Variants in PPARG observed in about 807,000 individuals in gnomAD.
PPARG encodes the protein peroxisome proliferator activated receptor gamma.
PPARG carries 17 observed loss-of-function variants against 39.2 expected under a neutral mutation model. That is an observed-to-expected ratio of 0.43 (90% CI 0.30 to 0.65). The LOEUF (loss-of-function observed/expected upper bound fraction) is 0.65, where lower values mean the gene tolerates loss of function less well. Ranked by LOEUF, PPARG falls within the 30% of genes least tolerant of loss-of-function variation. PPARG has a pLI of 0.13. For missense variants in PPARG, 406 were observed against 585.9 expected (o/e 0.69, Z 3.17); for synonymous variants, 223 against 215.7 (o/e 1.03, Z -0.30).
intron 2 of PPARG, among the ~76,000 whole-genome samples, chr3:12,336,341 C>T (rs1170610281): frequency 6.6e-6 from 1 of 152,052 alleles, no homozygotes; most frequent in African/African-American, 2.4e-5. Flanking sequence ...TTTTATGCAA[C>T]ACTAACGTTA....
intron 5 of PPARG, among the ~76,000 whole-genome samples, chr3:12,396,117 A>T (rs1277379461): frequency 6.6e-6 from 1 of 151,950 alleles, no homozygotes; most frequent in Non-Finnish European, 1.5e-5. Context: ...TGTCTTCTTT[A>T]TTTTTTATTA....
intron 2 of PPARG, among the ~76,000 whole-genome samples, chr3:12,364,449 C>T (rs575121811): frequency 7.2e-5 from 11 of 152,312 alleles, no homozygotes; most frequent in Non-Finnish European, 1.2e-4. Context: ...TTTATCCACT[C>T]AGCTACTGAA....
At chr3:12,333,284 C>G (rs1343069375) in intron 2 of PPARG, among the ~76,000 whole-genome samples, 1 of 152,178 alleles carries the variant, frequency 6.6e-6, no homozygotes. Context: ...ATATTCATCA[C>G]CACAATCCTC....
At chr3:12,318,871 T>G (rs549995413) in intron 2 of PPARG, among the ~76,000 whole-genome samples, 8 of 152,112 alleles carry the variant, frequency 5.3e-5, no homozygotes, top group Admixed American at 5.2e-4. Context: ...TTTTTTTTCC[T>G]TTAAGCTTGT....
At chr3:12,311,692 T>C (rs2047249427) in intron 1 of PPARG, among the ~76,000 whole-genome samples, 1 of 152,188 alleles carries the variant, frequency 6.6e-6, no homozygotes, top group Non-Finnish European at 1.5e-5. Context: ...AGATGCTGTT[T>C]TGTCTTCATG....
chr3:12,413,155 C>A (rs1287782750), intron 6 of PPARG, among the ~76,000 whole-genome samples: 2 of 152,156 alleles, frequency 1.3e-5, no homozygotes, highest in Non-Finnish European at 2.9e-5. Flanking sequence ...AAAATGCAGA[C>A]CAAATTTGAC....
rs753581430 is a variant in PPARG, at chr3:12,416,850, G to A, written c.876G>A (p.Gln292=). ...AGTTTCGCTCCGTGGAGGCTGTGCA[G>A]GAGATCACAGAGTATGCCAAAAGCA... is the stretch of plus-strand genomic sequence containing the variant. The part of the protein sequence containing the change: ...GCQFRSVEAV[Q]EITEYAKSIP... The change falls in exon 7 of 8, where the codon CAG becomes CAA. Residue 292 remains glutamine (Q), a synonymous_variant. Coordinates refer to ENST00000651735, the MANE Select transcript of PPARG (RefSeq NM_138711.6). 1.1e-5 allele frequency: 18 copies of A among 1,614,068 alleles called. No homozygotes were observed. The highest frequency in any genetic ancestry group is 1.5e-5 in the Non-Finnish European group (18 of 1,180,032).
At chr3:12,423,523 G>A (rs1201311566) in intron 7 of PPARG, among the ~76,000 whole-genome samples, 2 of 152,254 alleles carry the variant, frequency 1.3e-5, no homozygotes, top group East Asian at 1.9e-4. Context: ...GTACTTGCTT[G>A]AATAGGCCAG....
chr3:12,393,269 T>C (rs954753152), intron 5 of PPARG, among the ~76,000 whole-genome samples: 3 of 149,772 alleles, frequency 2.0e-5, no homozygotes, highest in Non-Finnish European at 3.0e-5. Context: ...GGAACGTCCA[T>C]GAGTTGTGGA....
intron 5 of PPARG, among the ~76,000 whole-genome samples, chr3:12,400,928 A>C (rs1433296016): frequency 1.3e-5 from 2 of 152,238 alleles, no homozygotes; most frequent in Admixed American, 6.5e-5. Context: ...CTAGAAATTA[A>C]GCTTCCTGAC....
At chr3:12,399,078 A>G (rs950711634) in intron 5 of PPARG, among the ~76,000 whole-genome samples, 4 of 152,168 alleles carry the variant, frequency 2.6e-5, no homozygotes, top group Non-Finnish European at 4.4e-5. Context: ...CCTACCAGAC[A>G]TGTCCTTTCC....
intron 2 of PPARG, among the ~76,000 whole-genome samples, chr3:12,321,977 G>C (rs1486771392): frequency 6.6e-6 from 1 of 152,192 alleles, no homozygotes; most frequent in Non-Finnish European, 1.5e-5. Flanking sequence ...AATCTTAGTA[G>C]TATTAGCAGC....
At chr3:12,416,604 G>C in intron 6 of PPARG, 100 bp from the exon 7 acceptor site, 1 of 1,165,438 alleles carries the variant, frequency 8.6e-7, no homozygotes, top group Non-Finnish European at 1.2e-6. Context: ...ATTTTAGTTA[G>C]CAAAGCAAGT....
At chr3:12,400,516 C>A (rs1415648791) in intron 5 of PPARG, among the ~76,000 whole-genome samples, 1 of 152,172 alleles carries the variant, frequency 6.6e-6, no homozygotes, top group Non-Finnish European at 1.5e-5. Flanking sequence ...TCTATCAAAC[C>A]CAGTCTTCCT....
chr3:12,424,565 C>G (rs190670039), intron 7 of PPARG, among the ~76,000 whole-genome samples: 1 of 152,318 alleles, frequency 6.6e-6, no homozygotes, highest in Admixed American at 6.5e-5. Flanking sequence ...CCCCAGGCAG[C>G]CTTCCAGACT....
At chr3:12,314,526 G>A (rs762326577) in intron 2 of PPARG, among the ~76,000 whole-genome samples, 3 of 152,088 alleles carry the variant, frequency 2.0e-5, no homozygotes, top group Admixed American at 6.6e-5. Flanking sequence ...CATGCCTTTC[G>A]AATTCTTCCC....
At chr3:12,407,273 G>A (rs2050705388) in intron 6 of PPARG, among the ~76,000 whole-genome samples, 2 of 152,128 alleles carry the variant, frequency 1.3e-5, no homozygotes, top group South Asian at 2.1e-4. Context: ...CAATTCTCCT[G>A]CGTCAGCCTC....
At position 12,434,014 on chromosome 3, in the gene PPARG, C is replaced by A. The variant is rs1156628228; in HGVS notation, c.1297C>A (p.Leu433Met). 1 of 1,614,124 alleles carries A rather than the reference C, an allele frequency of 6.2e-7. No individual in the cohort carries two copies. The change falls in exon 8 of 8, where the codon CTG becomes ATG. Residue 433 changes from leucine (L) to methionine (M), a missense_variant. Physicochemically the swap from Leu to Met is conservative, Grantham distance 15. Around this residue, in one of 2 missense-constraint regions of PPARG, gnomAD observed 275 missense variants for 458.0 expected, o/e 0.60. Coordinates refer to ENST00000651735, the MANE Select transcript of PPARG (RefSeq NM_138711.6). This position sits in a 1 kb window ranked among gnomAD's most constrained non-coding sequence, Gnocchi z 4.2. ...HPESSQLFAK[L>M]LQKMTDLRQI... ...TGAGTCCTCACAGCTGTTTGCCAAG[C>A]TGCTCCAGAAAATGACAGACCTCAG...
intron 1 of PPARG, among the ~76,000 whole-genome samples, chr3:12,290,788 C>T (rs555511168): frequency 1.3e-5 from 2 of 152,136 alleles, no homozygotes; most frequent in East Asian, 1.9e-4. Context: ...AAGGCACAAC[C>T]GTGGAACATA....
Sources: gnomAD v4.1 joint callset for allele counts (sites outside exome capture counted in the v4.1 genomes callset) on GRCh38, gnomAD v4.1.1 for gene constraint, gnomAD v4.1.1 regional missense constraint, Gnocchi (gnomAD v3.1) non-coding constraint, MANE v1.5 for transcripts, NCBI Gene and HGNC (gene_info 2026-07-23, HGNC 2026-07-21) for gene names.